The following MAP7 variants were observed in gnomAD, a reference collection of about 807,000 sequenced individuals.
The protein encoded by MAP7 is ensconsin.
A neutral mutation model predicts 94.8 loss-of-function variants in MAP7; 52 were observed. The observed-to-expected ratio is 0.55, with a 90% confidence interval of 0.44 to 0.69. The LOEUF (loss-of-function observed/expected upper bound fraction) is 0.69. Ranked by LOEUF, MAP7 falls within the 30% of genes least tolerant of loss-of-function variation. MAP7 has a pLI of 0.00. For missense variants in MAP7, 940 were observed against 964.6 expected (o/e 0.97, Z 0.34); for synonymous variants, 350 against 357.0 (o/e 0.98, Z 0.22).
intron 6 of MAP7, among the ~76,000 whole-genome samples, chr6:136,380,627 A>G (rs941821923): frequency 6.6e-6 from 1 of 152,258 alleles, no homozygotes; most frequent in African/African-American, 2.4e-5. Context: ...TTGGTTAAGC[A>G]GATAGCTTAA....
chr6:136,490,584 T>C (rs757865865), intron 1 of MAP7, among the ~76,000 whole-genome samples: 6 of 152,236 alleles, frequency 3.9e-5, no homozygotes, highest in South Asian at 2.1e-4. Flanking sequence ...ATTGCTTCTT[T>C]AGGACATTTG....
At chr6:136,479,175 C>T (rs1811971024) in intron 1 of MAP7, among the ~76,000 whole-genome samples, 1 of 152,044 alleles carries the variant, frequency 6.6e-6, no homozygotes, top group Non-Finnish European at 1.5e-5. Flanking sequence ...TCATCACGAC[C>T]CAGTGGGATT....
intron 3 of MAP7, among the ~76,000 whole-genome samples, chr6:136,402,389 C>T (rs1386965950): frequency 1.3e-5 from 2 of 152,206 alleles, no homozygotes; most frequent in Admixed American, 1.3e-4. Context: ...AACTCAAAGC[C>T]TTCTCAACTT....
intron 1 of MAP7, among the ~76,000 whole-genome samples, chr6:136,536,010 C>T (rs1163633851): frequency 6.6e-5 from 10 of 151,614 alleles, no homozygotes; most frequent in African/African-American, 2.4e-4. Flanking sequence ...GGTTGTTTGT[C>T]CTGGCGATAG....
chr6:136,379,615 T>C (rs944442753), intron 6 of MAP7, among the ~76,000 whole-genome samples: 1 of 152,202 alleles, frequency 6.6e-6, no homozygotes, highest in South Asian at 2.1e-4. Flanking sequence ...TTTCAAGAGA[T>C]GAGAAAGGGA....
chr6:136,453,568 G>A (rs1801838020), intron 1 of MAP7, among the ~76,000 whole-genome samples: 1 of 152,152 alleles, frequency 6.6e-6, no homozygotes, highest in African/African-American at 2.4e-5. Flanking sequence ...TTTCCCTAAC[G>A]AGTGAGGAGC....
chr6:136,503,614 A>C (rs951777632), intron 1 of MAP7, among the ~76,000 whole-genome samples: 6 of 152,230 alleles, frequency 3.9e-5, no homozygotes, highest in African/African-American at 1.2e-4. Flanking sequence ...CCTAAGGGGA[A>C]AAAAACCACC....
chr6:136,448,537 C>T (rs1356961922), intron 1 of MAP7, among the ~76,000 whole-genome samples: 4 of 151,958 alleles, frequency 2.6e-5, no homozygotes, highest in Non-Finnish European at 4.4e-5. Context: ...GCCTCAGCCT[C>T]CCAAGTAGCT....
At chr6:136,389,637 T>G (rs1780149511) in intron 3 of MAP7, 120 bp from the exon 4 acceptor site, 3 of 842,932 alleles carry the variant, frequency 3.6e-6, no homozygotes, top group Non-Finnish European at 5.5e-6. Context: ...TCTTTAGTTT[T>G]GTATTAACCA....
chr6:136,346,110 AAGTT>A (rs1166543604), intron 16 of MAP7, 31 bp from the exon 17 acceptor site: 5 of 1,411,068 alleles, frequency 3.5e-6, no homozygotes, highest in South Asian at 1.2e-5. Flanking sequence ...AAATAGAAAT[AAGTT>A]AGTCTTAAAA....
At chr6:136,469,489 C>T (rs1311959168) in intron 1 of MAP7, among the ~76,000 whole-genome samples, 2 of 152,120 alleles carry the variant, frequency 1.3e-5, no homozygotes, top group Non-Finnish European at 2.9e-5. Context: ...TCAAGTGATC[C>T]TCCCATCTCA....
At position 136,345,905 on chromosome 6, in the gene MAP7, T is replaced by G. The variant is rs769567227; in HGVS notation, c.2190A>C (p.Thr730=). ...CATCTACCTGAGGCAGGGGCCCAAG[T>G]GTCCCTTCATCATCAAAGGCCAAAA... ...NPILAFDDEG[T]LGPLPQVDGV... Residue 730 remains threonine, a synonymous_variant, in exon 17 of 18, where the codon ACA becomes ACC. Transcript: ENST00000354570. The G allele has an allele frequency of 6.2e-7, 1 of 1,614,190 alleles. No homozygotes were observed. Among genetic ancestry groups the G allele is most frequent in the Non-Finnish European group, 8.5e-7 (1 of 1,180,032 alleles).
chr6:136,519,862 C>T (rs750691704), intron 1 of MAP7, among the ~76,000 whole-genome samples: 7 of 152,122 alleles, frequency 4.6e-5, no homozygotes, highest in Non-Finnish European at 1.0e-4. Flanking sequence ...TAACTATATA[C>T]CTTTGTTTTT....
chr6:136,355,033 G>A (rs1378166595), intron 16 of MAP7, among the ~76,000 whole-genome samples: 5 of 152,092 alleles, frequency 3.3e-5, no homozygotes, highest in Admixed American at 1.3e-4. Flanking sequence ...AGACCAGCCT[G>A]GTTAATATGA....
chr6:136,417,148 A>G (rs1429514323), intron 2 of MAP7, among the ~76,000 whole-genome samples: 2 of 152,176 alleles, frequency 1.3e-5, no homozygotes, highest in Non-Finnish European at 2.9e-5. Flanking sequence ...TATATTCCAC[A>G]TTGTTTCCCA....
In MAP7 at chr6:136,388,434, C is replaced by G. The variant is rs1191996244; in HGVS notation, c.485G>C (p.Trp162Ser). Residue 162 changes from tryptophan to serine, a missense_variant, in exon 5 of 18, where the codon TGG (tryptophan) becomes TCG (serine). Physicochemically the swap from Trp to Ser is radical, Grantham distance 177 (BLOSUM62 -3). Coordinates refer to ENST00000354570, the MANE Select transcript of MAP7 (RefSeq NM_003980.6). ...KPKQKHNRWS[W>S]GGSLHGSPSI... ...AGGGCTCCCATGGAGAGAGCCTCCC[C>G]ACGACCAACGGTTATGCTTCTGTTT... 6.2e-7 allele frequency: 1 copy of G among 1,614,146 alleles called. No individual in the cohort carries two copies. The highest frequency in any genetic ancestry group is 1.1e-5 in the South Asian group (1 of 91,074).
intron 8 of MAP7, among the ~76,000 whole-genome samples, chr6:136,367,281 G>A (rs926309338): frequency 2.6e-5 from 4 of 152,006 alleles, no homozygotes; most frequent in Non-Finnish European, 5.9e-5. Flanking sequence ...CCCATTCCAA[G>A]TATCTGAAAC....
chr6:136,514,447 G>T (rs964949383), intron 1 of MAP7, among the ~76,000 whole-genome samples: 2 of 152,004 alleles, frequency 1.3e-5, no homozygotes, highest in African/African-American at 4.8e-5. Context: ...TTAGCCAGGT[G>T]TGGTGGTGTA....
At chr6:136,447,430 C>T (rs1799677572) in intron 1 of MAP7, among the ~76,000 whole-genome samples, 1 of 152,158 alleles carries the variant, frequency 6.6e-6, no homozygotes, top group Admixed American at 6.5e-5. Context: ...TTTTATGTTC[C>T]AACTTTTGGT....
Sources: allele counts gnomAD v4.1 joint callset (sites outside exome capture counted in the v4.1 genomes callset), GRCh38; gene constraint gnomAD v4.1.1; transcripts MANE v1.5; gene names NCBI Gene and HGNC (gene_info 2026-07-23, HGNC 2026-07-21).